Variants in PARP3 observed in about 807,000 individuals in gnomAD.
The protein encoded by PARP3 is poly(ADP-ribose) polymerase family member 3.
Under a neutral mutation model 58.2 loss-of-function variants are expected in PARP3, and 46 were observed. The observed-to-expected ratio is 0.79, with a 90% CI of 0.62 to 1.01. The LOEUF (loss-of-function observed/expected upper bound fraction) is 1.01, where lower values mean the gene tolerates loss of function less well. Ranked by LOEUF, PARP3 falls within the 50% of genes least tolerant of loss-of-function variation. The pLI is 0.00. For synonymous variants in PARP3, 252 were observed against 266.4 expected (o/e 0.95, Z 0.53); for missense variants, 663 against 683.9 (o/e 0.97, Z 0.34).
rs768290433 is a variant in PARP3 at position 51,947,839 on chromosome 3, T to A, written c.1376T>A (p.Leu459Ter). ...CATATCAACACGGACAACCCCAGCT[T>A]GAAGAGCCCACCTCCTGGCTTCGAC... is the stretch of plus-strand genomic sequence containing the variant. ...EHHINTDNPS[L>*]KSPPPGFDSV... is the part of the protein sequence containing the mutation. The change falls in exon 10 of 11, where the codon TTG (leucine) becomes TAG (stop). Residue 459 changes from leucine (L) to a stop codon, truncating the protein, a stop_gained. Transcript: ENST00000398755. LOFTEE classifies it high-confidence loss of function. The A allele has an allele frequency of 1.2e-6, 2 of 1,613,916 alleles. No individual in the cohort carries two copies.
In PARP3 at chr3:51,946,412, C is replaced by A; in HGVS notation, c.1276+69C>A. 7.8e-7 allele frequency: 1 copy of A among 1,274,500 alleles called. No homozygotes were observed. The highest frequency in any genetic ancestry group is 1.1e-6 in the Non-Finnish European group (1 of 917,164). The allele number at this position is 1,274,500 out of a possible 1,614,324, so 78.9% of individuals were successfully genotyped here. ...AGATGGATTGGGCCCAGTCCTTGGC[C>A]ACTGGAAATTCATGGTGAATCCAAG... On this transcript the variant is annotated intron_variant, in intron 9 of 10. Coordinates refer to ENST00000398755, the MANE Select transcript of PARP3 (RefSeq NM_001003931.4). This position sits in a 1 kb window ranked among gnomAD's most constrained non-coding sequence, Gnocchi z 4.6.
At position 51,945,593 on chromosome 3, in the gene PARP3, G is replaced by A. The variant is rs756699523; in HGVS notation, c.960G>A (p.Gln320=). The A allele has an allele frequency of 6.2e-7, 1 of 1,613,984 alleles. No individual in the cohort carries two copies. Among genetic ancestry groups the A allele is most frequent in the Admixed American group, 1.7e-5 (1 of 60,034 alleles). ...EVPHPLDRDY[Q]LLKCQLQLLD... is the part of the protein sequence containing the mutation. ...CACACCCCCTGGACCGAGACTACCA[G>A]CTTCTCAAGTGCCAGCTGCAGCTGC... Residue 320 remains glutamine (Q), a synonymous_variant, in exon 7 of 11, where the codon CAG becomes CAA. Coordinates refer to ENST00000398755, the MANE Select transcript of PARP3 (RefSeq NM_001003931.4).
intron 10 of PARP3, 24 bp from the exon 11 acceptor site, chr3:51,948,287 C>T (rs765129904): frequency 2.9e-5 from 47 of 1,605,654 alleles, no homozygotes; most frequent in Non-Finnish European, 4.0e-5. Flanking sequence ...CCTGGGCCAC[C>T]CTGGCCCTTG....
At chr3:51,943,296 G>T in intron 1 of PARP3, 58 bp from the exon 2 acceptor site, 2 of 1,462,104 alleles carry the variant, frequency 1.4e-6, no homozygotes, top group Non-Finnish European at 1.8e-6. Flanking sequence ...ACTGAGAGTG[G>T]GTCGTTGGGG....
Position 51,944,459 on chromosome 3 carries a change from A to C in PARP3, c.382A>C (p.Lys128Gln). 1.2e-6 allele frequency: 2 copies of C among 1,614,148 alleles called. No individual in the cohort carries two copies. Among genetic ancestry groups the C allele is most frequent in the Non-Finnish European group, 1.7e-6 (2 of 1,180,038 alleles). ...AGATGCAAAGAAGGACTTTGAGAAG[A>C]AATTTCGGGAAAAGACCAAGAACAA... ...LEDAKKDFEKKFREKTKNNWA... is the reference protein window; with the variant it reads ...LEDAKKDFEKQFREKTKNNWA... Residue 128 changes from lysine (K) to glutamine (Q), a missense_variant, in exon 4 of 11, where the codon AAA becomes CAA. Lys to Gln is a moderately conservative substitution (Grantham distance 53, BLOSUM62 1). Around this residue, in one of 3 missense-constraint regions of PARP3, gnomAD observed 567 missense variants for 553.6 expected, o/e 1.02. Coordinates refer to ENST00000398755, the MANE Select transcript of PARP3 (RefSeq NM_001003931.4). This position sits in a 1 kb window ranked among gnomAD's most constrained non-coding sequence, Gnocchi z 4.2.
In PARP3 at chr3:51,942,441, T is replaced by A. The variant is rs931914225; in HGVS notation, c.-270T>A. On this transcript the variant is annotated 5_prime_UTR_variant, in exon 1 of 11. Transcript: ENST00000398755. ...CGGACGCGACTGCCCCGGCCTTGGA[T>A]ATGCCAGATCGAGTGTCCACCCGTC... The A allele has an allele frequency of 6.6e-5, 40 of 609,922 alleles. 1 individual carries two copies. The highest frequency in any genetic ancestry group is 2.0e-4 in the East Asian group (7 of 35,406). 37.8% of individuals were successfully genotyped at this position (609,922 alleles called of 1,614,324 possible). A position where few individuals can be genotyped will look rare whatever the true frequency, so the allele number is the denominator to read the frequency against.
intron 6 of PARP3, 72 bp from the exon 7 acceptor site, chr3:51,945,423 A>G: frequency 1.3e-6 from 2 of 1,539,058 alleles, no homozygotes; most frequent in Non-Finnish European, 1.8e-6. Context: ...CTACAATACC[A>G]GTCATGTGAG....
chr3:51,942,546 C>A lies in PARP3; in HGVS notation c.-165C>A, dbSNP rs1577654990. The A allele has an allele frequency of 1.4e-6, 1 of 717,314 alleles. No homozygotes were observed. Among genetic ancestry groups the A allele is most frequent in the Admixed American group, 2.0e-5 (1 of 49,754 alleles). 44.4% of individuals were successfully genotyped at this position (717,314 alleles called of 1,614,324 possible). A position where few individuals can be genotyped will look rare whatever the true frequency, so the allele number is the denominator to read the frequency against. On this transcript the variant is annotated 5_prime_UTR_variant, in exon 1 of 11. Coordinates refer to ENST00000398755, the MANE Select transcript of PARP3 (RefSeq NM_001003931.4). ...TGGCCAAATAGCCGATGTCTAATCC[C>A]CCACACAAGCTCATCCCCGGCCTCT...
intron 1 of PARP3, chr3:51,942,954 T>C: frequency 7.1e-7 from 1 of 1,410,536 alleles, no homozygotes; most frequent in South Asian, 1.5e-5. Flanking sequence ...CCGGCAACCA[T>C]GCCAGGGCTG....
rs199568518 is a variant in PARP3, at chr3:51,947,931, G to T, written c.1432+36G>T. 5 of 1,598,024 alleles carry T rather than the reference G, an allele frequency of 3.1e-6. No individual in the cohort carries two copies. The Admixed American group carries it at 6.7e-5, about 21-fold the overall frequency. On this transcript the variant is annotated intron_variant, in intron 10 of 10. Coordinates refer to ENST00000398755, the MANE Select transcript of PARP3 (RefSeq NM_001003931.4). ...AGAAGCTGTACAGCCCAAGGAGAGAGGTGGGGCCGAGATAGGGGCTGGGAC... is the reference window on the plus strand; with the variant it reads ...AGAAGCTGTACAGCCCAAGGAGAGATGTGGGGCCGAGATAGGGGCTGGGAC...
chr3:51,944,745 C>G lies in PARP3; in HGVS notation c.502-33C>G. 6.3e-7 allele frequency: 1 copy of G among 1,590,524 alleles called. No homozygotes were observed. The highest frequency in any genetic ancestry group is 8.6e-7 in the Non-Finnish European group (1 of 1,167,842). On this transcript the variant is annotated intron_variant, in intron 4 of 10. Coordinates refer to ENST00000398755, the MANE Select transcript of PARP3 (RefSeq NM_001003931.4). The surrounding 1 kb of genome is among the most constrained non-coding windows in gnomAD (Gnocchi z 4.2). ...CTGTCTGGTGTCACGCCCTGCCCCG[C>G]TGCTCCTGCCCACATGTGCCCTCTA...
chr3:51,947,894 T>C lies in PARP3; in HGVS notation c.1431T>C (p.Pro477=), dbSNP rs1699718939. The change falls in exon 10 of 11, where the codon CCT becomes CCC. Residue 477 remains proline (P), a splice_region_variant and synonymous_variant. Transcript: ENST00000398755. Reference sequence around the variant, plus strand: ...TCATTGCCCGAGGCCACACCGAGCCTGGTGAGTCCTCAGAAGCTGTACAGC... The same window carrying C: ...TCATTGCCCGAGGCCACACCGAGCCCGGTGAGTCCTCAGAAGCTGTACAGC... ...DSVIARGHTE[P]DPTQDTELEL... 6.2e-7 allele frequency: 1 copy of C among 1,613,686 alleles called. No homozygotes were observed. The highest frequency in any genetic ancestry group is 8.5e-7 in the Non-Finnish European group (1 of 1,179,978).
rs1699737361 is a variant in PARP3 at position 51,948,625 on chromosome 3, C to T, written c.*145C>T. 2 of 730,278 alleles carry T rather than the reference C, an allele frequency of 2.7e-6. No individual in the cohort carries two copies. Among genetic ancestry groups the T allele is most frequent in the South Asian group, 3.9e-5 (2 of 51,052 alleles). The allele number at this position is 730,278 out of a possible 1,614,324, so 45.2% of individuals were successfully genotyped here. On this transcript the variant is annotated 3_prime_UTR_variant, in exon 11 of 11. Coordinates refer to ENST00000398755, the MANE Select transcript of PARP3 (RefSeq NM_001003931.4). The stretch of plus-strand genomic sequence containing the variant: ...TATAGTCACCATGCTGTACAAGATC[C>T]CTGAACTTATGCCTCCTAACTGAAA...
rs1296517741 is a variant in PARP3 at position 51,946,868 on chromosome 3, AGCAATGCCTAGCCGGGGGCAG to A, written c.1276+527_1276+547del. On this transcript the variant is annotated intron_variant, in intron 9 of 10. Coordinates refer to ENST00000398755, the MANE Select transcript of PARP3 (RefSeq NM_001003931.4). This position sits in a 1 kb window ranked among gnomAD's most constrained non-coding sequence, Gnocchi z 4.6. ...AACACTTCCTGATACTGGAGCTCAG[AGCAATGCCTAGCCGGGGGCAG>A]GGTGGGCTAGGGGCCCAGAACGATC... Among the ~76,000 whole-genome samples, 3 of 152,222 alleles carry A rather than the reference AGCAATGCCTAGCCGGGGGCAG, an allele frequency of 2.0e-5. No homozygotes were observed. Among genetic ancestry groups the A allele is most frequent in the Non-Finnish European group, 4.4e-5 (3 of 68,038 alleles).
At position 51,944,299 on chromosome 3, in the gene PARP3, C is replaced by T. The variant is rs1296657164; in HGVS notation, c.312+82C>T. ...ACTGACTTGGGGGGGCACCTCCCAA[C>T]TGTCCCAGGGCACTCAGCACAGGGC... On this transcript the variant is annotated intron_variant, in intron 3 of 10. Coordinates refer to ENST00000398755, the MANE Select transcript of PARP3 (RefSeq NM_001003931.4). The surrounding 1 kb of genome is among the most constrained non-coding windows in gnomAD (Gnocchi z 4.2). 2.1e-5 allele frequency: 34 copies of T among 1,602,302 alleles called. No individual in the cohort carries two copies. Among genetic ancestry groups the T allele is most frequent in the Non-Finnish European group, 2.8e-5 (33 of 1,171,618 alleles).
Position 51,945,902 on chromosome 3 carries a change from C to CA in PARP3, c.1062dup (p.Leu355ThrfsTer24). 1 of 1,614,176 alleles carries CA rather than the reference C, an allele frequency of 6.2e-7. No homozygotes were observed. The highest frequency in any genetic ancestry group is 8.5e-7 in the Non-Finnish European group (1 of 1,180,004). ...ACTGGCAGCAACCACAGGTGCCCTA[C>CA]ACTTCAACACATCTGGAAAGTAAAC... On this transcript the variant is annotated frameshift_variant, in exon 8 of 11. Transcript: ENST00000398755. LOFTEE classifies it high-confidence loss of function.
Position 51,944,070 on chromosome 3 carries a change from C to T in PARP3, c.184-19C>T. 5 of 1,611,742 alleles carry T rather than the reference C, an allele frequency of 3.1e-6. No homozygotes were observed. The highest frequency in any genetic ancestry group is 4.2e-6 in the Non-Finnish European group (5 of 1,178,956). ...ATCTGACCCCAGCCAGCCTGCCCCC[C>T]ACCTCCCCTCTGGCCCAGGTGTATG... is the stretch of plus-strand genomic sequence containing the variant. On this transcript the variant is annotated intron_variant, in intron 2 of 10. Coordinates refer to ENST00000398755, the MANE Select transcript of PARP3 (RefSeq NM_001003931.4). This position sits in a 1 kb window ranked among gnomAD's most constrained non-coding sequence, Gnocchi z 4.2.
At position 51,944,346 on chromosome 3, in the gene PARP3, C is replaced by G. The variant is rs892674481; in HGVS notation, c.313-44C>G. On this transcript the variant is annotated intron_variant, in intron 3 of 10. Coordinates refer to ENST00000398755, the MANE Select transcript of PARP3 (RefSeq NM_001003931.4). The surrounding 1 kb of genome is among the most constrained non-coding windows in gnomAD (Gnocchi z 4.2). ...GGGCCTGGCCCGACACACAGGCCAGCAAATGCTGATGGTGGGCATACCCCT... is the reference window on the plus strand; with the variant it reads ...GGGCCTGGCCCGACACACAGGCCAGGAAATGCTGATGGTGGGCATACCCCT... 4 of 1,610,590 alleles carry G rather than the reference C, an allele frequency of 2.5e-6. No homozygotes were observed. In the African/African-American group the frequency reaches 5.3e-5, roughly 22 times the overall value.
chr3:51,945,125 C>T lies in PARP3; in HGVS notation c.762C>T (p.Ser254=), dbSNP rs777853119. Reference sequence around the variant, plus strand: ...GTGGCCAAAGCCTGGAGGAGCTGTCCTCACACTTTTACACCGTCATCCCGC... The same window carrying T: ...GTGGCCAAAGCCTGGAGGAGCTGTCTTCACACTTTTACACCGTCATCCCGC... The part of the protein sequence containing the change: ...TDGGQSLEEL[S]SHFYTVIPHN... The change falls in exon 6 of 11, where the codon TCC becomes TCT. Residue 254 remains serine (S), a synonymous_variant. Coordinates refer to ENST00000398755, the MANE Select transcript of PARP3 (RefSeq NM_001003931.4). The T allele has an allele frequency of 6.2e-7, 1 of 1,614,138 alleles. No homozygotes were observed. Among genetic ancestry groups the T allele is most frequent in the Non-Finnish European group, 8.5e-7 (1 of 1,180,056 alleles).
Sources: allele counts gnomAD v4.1 joint callset (sites outside exome capture counted in the v4.1 genomes callset), GRCh38; gene constraint gnomAD v4.1.1; regional missense constraint gnomAD v4.1.1; non-coding constraint Gnocchi (gnomAD v3.1); transcripts MANE v1.5; gene names NCBI Gene and HGNC (gene_info 2026-07-23, HGNC 2026-07-21).